The following DPYSL3 variants were observed in gnomAD, a reference collection of about 807,000 sequenced individuals.
DPYSL3 encodes the protein dihydropyrimidinase like 3.
Under a neutral mutation model 66.1 loss-of-function variants are expected in DPYSL3, and 16 were observed. The observed-to-expected ratio is 0.24, with a 90% confidence interval of 0.16 to 0.37. The LOEUF (loss-of-function observed/expected upper bound fraction) is 0.37, where lower values mean the gene tolerates loss of function less well. Among genes scored for constraint, DPYSL3 ranks in the 10% least tolerant of loss-of-function variants. DPYSL3 has a pLI of 1.00. For missense variants in DPYSL3, 738 were observed against 916.2 expected, an observed-to-expected ratio of 0.81 and a Z score of 2.51; for synonymous variants, 338 against 345.1, an observed-to-expected ratio of 0.98 and a Z score of 0.23.
At chr5:147,469,508 C>T (rs868007043) in intron 1 of DPYSL3, among the ~76,000 whole-genome samples, 54 of 152,130 alleles carry the variant, frequency 3.5e-4, no homozygotes, top group African/African-American at 1.2e-3. Context: ...TTGGAGAGGT[C>T]CTGATATTCT....
chr5:147,434,080 C>A (rs1469150473), intron 1 of DPYSL3, among the ~76,000 whole-genome samples: 3 of 151,682 alleles, frequency 2.0e-5, no homozygotes, highest in Admixed American at 6.6e-5. Flanking sequence ...ATTACTACTG[C>A]TCCTACCACC....
intron 1 of DPYSL3, among the ~76,000 whole-genome samples, chr5:147,483,871 A>C (rs976751405): frequency 3.3e-5 from 5 of 152,190 alleles, no homozygotes; most frequent in African/African-American, 1.2e-4. Context: ...TAAAATGGGA[A>C]TAATATCTCC....
In DPYSL3 at chr5:147,485,919, C is replaced by T. The variant is rs138673710; in HGVS notation, c.381+23559G>A. Among the ~76,000 whole-genome samples the T allele has an allele frequency of 7.7e-4, 118 of 152,258 alleles. 1 individual carries two copies. Among genetic ancestry groups the T allele is most frequent in the African/African-American group, 2.7e-3 (113 of 41,544 alleles). ...GCTTTAAAAAGTGCCTGGCCCAGCA[C>T]TATTCACAATAACCAAAAATGGAAA... On this transcript the variant is annotated intron_variant, in intron 1 of 13. Coordinates refer to ENST00000343218, the MANE Select transcript of DPYSL3 (RefSeq NM_001197294.2).
chr5:147,448,209 CAT>C lies in DPYSL3; in HGVS notation c.382-23248_382-23247del, dbSNP rs576026100. ...GAAACAGCTGAAAGGATCTTCATAA[CAT>C]GTGTCACTCTAGGCTAGAAGGTGAT... On this transcript the variant is annotated intron_variant, in intron 1 of 13. Transcript: ENST00000343218. Among the ~76,000 whole-genome samples, 66 of 152,046 alleles carry C rather than the reference CAT, an allele frequency of 4.3e-4. No individual in the cohort carries two copies. In the South Asian group the frequency reaches 8.1e-3, roughly 19 times the overall value.
At chr5:147,396,429 G>T (rs1449114564) in intron 12 of DPYSL3, among the ~76,000 whole-genome samples, 1 of 152,164 alleles carries the variant, frequency 6.6e-6, no homozygotes, top group African/African-American at 2.4e-5. Flanking sequence ...AACACTGCAA[G>T]ACCACCCATG....
chr5:147,499,516 A>T (rs1753571796), intron 1 of DPYSL3, among the ~76,000 whole-genome samples: 1 of 152,204 alleles, frequency 6.6e-6, no homozygotes, highest in Admixed American at 6.5e-5. Context: ...TGTGAGATCC[A>T]TATGGGGAAA....
intron 2 of DPYSL3, among the ~76,000 whole-genome samples, chr5:147,420,466 A>G (rs1403006152): frequency 6.6e-6 from 1 of 152,142 alleles, no homozygotes; most frequent in Non-Finnish European, 1.5e-5. Flanking sequence ...CAGATATCTC[A>G]GTTCCCCTAA....
rs542693058 is a variant in DPYSL3 at position 147,400,947 on chromosome 5, T to C, written c.1311-114A>G. ...GCACTCTGACTATTTGGGTTTGGAA[T>C]GCCTCCTCTACCTCTTACTAGATAT... is the stretch of plus-strand genomic sequence containing the variant. On this transcript the variant is annotated intron_variant, in intron 9 of 13. Transcript: ENST00000343218. 4 of 1,361,180 alleles carry C rather than the reference T, an allele frequency of 2.9e-6. No homozygotes were observed. In the East Asian group the frequency reaches 1.0e-4, roughly 34 times the overall value. The allele number at this position is 1,361,180 out of a possible 1,614,324, so 84.3% of individuals were successfully genotyped here.
intron 1 of DPYSL3, among the ~76,000 whole-genome samples, chr5:147,476,565 C>G (rs975970085): frequency 6.6e-6 from 1 of 152,048 alleles, no homozygotes; most frequent in African/African-American, 2.4e-5. Context: ...GAGATGAACC[C>G]CTTTGGTCCA....
chr5:147,509,655 G>A lies in DPYSL3; in HGVS notation c.204C>T (p.Gly68=). ...TCCCCGATCCTCGGTCGCTGCCCTG[G>A]CCGCTCCGAGGAGTCTTCGCGCCCC... ...GQRGAKTPRS[G]QGSDRGSGSR... Residue 68 remains glycine (G), a synonymous_variant, in exon 1 of 14, where the codon GGC becomes GGT. Coordinates refer to ENST00000343218, the MANE Select transcript of DPYSL3 (RefSeq NM_001197294.2). This position sits in a 1 kb window ranked among gnomAD's most constrained non-coding sequence, Gnocchi z 5.3. 6.5e-7 allele frequency: 1 copy of A among 1,535,732 alleles called. No individual in the cohort carries two copies. The highest frequency in any genetic ancestry group is 1.7e-4 in the Middle Eastern group (1 of 5,980).
intron 1 of DPYSL3, among the ~76,000 whole-genome samples, chr5:147,452,892 CA>C: frequency 5.4e-5 from 7 of 130,582 alleles, no homozygotes; most frequent in Admixed American, 5.1e-4. Context: ...CACACACACA[CA>C]CACACACACA....
At chr5:147,430,556 G>T (rs1368939161) in intron 1 of DPYSL3, among the ~76,000 whole-genome samples, 1 of 150,222 alleles carries the variant, frequency 6.7e-6, no homozygotes, top group East Asian at 1.9e-4. Flanking sequence ...AAGAAAGGAA[G>T]GAAAGGAGGG....
rs1753188346 is a variant in DPYSL3, at chr5:147,478,256, G to T, written c.381+31222C>A. 2.6e-5 allele frequency among the ~76,000 whole-genome samples: 4 copies of T among 152,128 alleles called. No individual in the cohort carries two copies. The South Asian group carries it at 6.2e-4, about 24-fold the overall frequency. ...CTCCAGCTTATACACATTAATATCA[G>T]CTAGAACTTGCATTCAGCTCTGCAT... On this transcript the variant is annotated intron_variant, in intron 1 of 13. Transcript: ENST00000343218.
At chr5:147,414,780 A>G (rs1214494710) in intron 4 of DPYSL3, among the ~76,000 whole-genome samples, 1 of 151,930 alleles carries the variant, frequency 6.6e-6, no homozygotes, top group Non-Finnish European at 1.5e-5. Flanking sequence ...AGAAAATATC[A>G]TCCTCTGAGG....
At chr5:147,437,784 A>G (rs11955404) in intron 1 of DPYSL3, among the ~76,000 whole-genome samples, 3,834 of 152,308 alleles carry the variant, frequency 0.025, 152 homozygotes, top group African/African-American at 0.083. Context: ...GGTGGGAAAG[A>G]GAAGGGCTTT....
At chr5:147,494,192 T>C (rs1581217870) in intron 1 of DPYSL3, among the ~76,000 whole-genome samples, 1 of 152,082 alleles carries the variant, frequency 6.6e-6, no homozygotes, top group Non-Finnish European at 1.5e-5. Flanking sequence ...TTATTAAAAC[T>C]TGTAAGATGT....
At chr5:147,437,161 C>T (rs1752427415) in intron 1 of DPYSL3, among the ~76,000 whole-genome samples, 1 of 152,186 alleles carries the variant, frequency 6.6e-6, no homozygotes, top group African/African-American at 2.4e-5. Context: ...TACCCAGCTC[C>T]CTCTTAAGAA....
intron 8 of DPYSL3, among the ~76,000 whole-genome samples, chr5:147,402,793 G>A (rs1758231383): frequency 6.6e-6 from 1 of 152,094 alleles, no homozygotes; most frequent in South Asian, 2.1e-4. Context: ...ACCATGGAGA[G>A]GGGATAAAGG....
intron 1 of DPYSL3, among the ~76,000 whole-genome samples, chr5:147,441,891 C>A (rs1428779790): frequency 1.3e-5 from 2 of 152,126 alleles, no homozygotes; most frequent in Non-Finnish European, 2.9e-5. Context: ...ACAGAACATA[C>A]CTTCTTTGTG....
Sources: allele counts gnomAD v4.1 joint callset (sites outside exome capture counted in the v4.1 genomes callset), GRCh38; gene constraint gnomAD v4.1.1; non-coding constraint Gnocchi (gnomAD v3.1); transcripts MANE v1.5; gene names NCBI Gene and HGNC (gene_info 2026-07-23, HGNC 2026-07-21).